Variants in DYSF observed in about 807,000 individuals in gnomAD.
DYSF encodes the protein dystrophy-associated fer-1-like 1.
Under a neutral mutation model 274.9 loss-of-function variants are expected in DYSF, and 212 were observed. That is an observed-to-expected ratio of 0.77 (90% CI 0.69 to 0.86). The LOEUF (loss-of-function observed/expected upper bound fraction) is 0.86. Ranked by LOEUF, DYSF falls within the 40% of genes least tolerant of loss-of-function variation. The probability of loss-of-function intolerance (pLI) is 0.00; values close to 1 mark genes in which losing one functional copy is unlikely to be tolerated. For missense variants in DYSF, 2,666 were observed against 2,783.2 expected (o/e 0.96, Z 0.95); for synonymous variants, 1,091 against 1,078.7 (o/e 1.01, Z -0.22).
chr2:71,589,526 G>C, intron 30 of DYSF, 67 bp from the exon 31 acceptor site: 1 of 1,274,364 alleles, frequency 7.8e-7, no homozygotes, highest in East Asian at 2.3e-5. Flanking sequence ...CTAACTCTCT[G>C]GGCTAGTCTC....
At chr2:71,648,561 A>G in intron 42 of DYSF, among the ~76,000 whole-genome samples, 1 of 152,236 alleles carries the variant, frequency 6.6e-6, no homozygotes, top group East Asian at 1.9e-4. Context: ...TACAGAAAAA[A>G]CCATAATGGT....
At chr2:71,457,871 G>A (rs1275524206) in intron 1 of DYSF, among the ~76,000 whole-genome samples, 1 of 152,202 alleles carries the variant, frequency 6.6e-6, no homozygotes, top group Admixed American at 6.5e-5. Flanking sequence ...TATGGCAGGT[G>A]CTCCGGGACT....
At chr2:71,563,541 A>G (rs996576177) in intron 23 of DYSF, among the ~76,000 whole-genome samples, 4 of 152,206 alleles carry the variant, frequency 2.6e-5, no homozygotes, top group Non-Finnish European at 5.9e-5. Context: ...TTCAGAGTCC[A>G]GTGTCTTCAG....
intron 42 of DYSF, among the ~76,000 whole-genome samples, chr2:71,648,109 C>T (rs1318646642): frequency 3.9e-5 from 6 of 151,956 alleles, no homozygotes; most frequent in Non-Finnish European, 7.4e-5. Flanking sequence ...TTCAAAAATC[C>T]TGCAAAAAAG....
At chr2:71,560,198 T>C (rs1439977808) in intron 22 of DYSF, among the ~76,000 whole-genome samples, 1 of 152,162 alleles carries the variant, frequency 6.6e-6, no homozygotes. Flanking sequence ...CGGAGACAGC[T>C]TGTTAGTGGC....
chr2:71,514,516 T>G (rs562682611), intron 7 of DYSF, among the ~76,000 whole-genome samples: 1 of 152,240 alleles, frequency 6.6e-6, no homozygotes, highest in African/African-American at 2.4e-5. Flanking sequence ...ATGAACACTT[T>G]GACACATTTT....
chr2:71,586,842 A>C (rs1044563875), intron 30 of DYSF, among the ~76,000 whole-genome samples: 16 of 152,020 alleles, frequency 1.1e-4, no homozygotes, highest in Non-Finnish European at 2.2e-4. Context: ...TGCTCACCCT[A>C]GCCCCCTACC....
chr2:71,653,875 TATAAAC>T (rs66908545), intron 42 of DYSF, among the ~76,000 whole-genome samples: 90,139 of 150,684 alleles, frequency 0.6, 28,200 homozygotes, highest in Middle Eastern at 0.71. Flanking sequence ...AAATTGTAAA[TATAAAC>T]ATAAGATAAT....
chr2:71,532,701 G>A (rs2088869980), intron 14 of DYSF, among the ~76,000 whole-genome samples: 1 of 152,140 alleles, frequency 6.6e-6, no homozygotes, highest in Admixed American at 6.5e-5. Context: ...GTGTGTGTTG[G>A]GGCAGCCTGT....
intron 3 of DYSF, 63 bp from the exon 4 acceptor site, chr2:71,503,151 T>C (rs946060745): frequency 6.9e-7 from 1 of 1,443,828 alleles, no homozygotes. Context: ...CAGTGAGGGG[T>C]CTGGCAGAAG....
At chr2:71,470,046 C>G (rs1358328549) in intron 1 of DYSF, among the ~76,000 whole-genome samples, 3 of 152,192 alleles carry the variant, frequency 2.0e-5, no homozygotes, top group Non-Finnish European at 4.4e-5. Flanking sequence ...GCTGAAACAT[C>G]TTATTTCCTT....
chr2:71,686,520 G>A lies in DYSF; in HGVS notation c.*28G>A, dbSNP rs750084649. ...ACTCTCCTGCCCTGTAGAAGGGGCC[G>A]TGGGGTCCCCTCCAGCATGGGACTG... is the stretch of plus-strand genomic sequence containing the variant. On this transcript the variant is annotated 3_prime_UTR_variant, in exon 56 of 56. Coordinates refer to ENST00000410020, the MANE Select transcript of DYSF (RefSeq NM_001130987.2). 99 of 1,613,378 alleles carry A rather than the reference G, an allele frequency of 6.1e-5. No individual in the cohort carries two copies. Among genetic ancestry groups the A allele is most frequent in the South Asian group, 7.7e-5 (7 of 91,080 alleles).
chr2:71,485,148 G>A (rs115648275), intron 3 of DYSF, among the ~76,000 whole-genome samples: 1 of 152,116 alleles, frequency 6.6e-6, no homozygotes, highest in Non-Finnish European at 1.5e-5. Flanking sequence ...CAGATTTCTA[G>A]CAATTAAAAC....
chr2:71,645,020 G>T (rs1201406470), intron 42 of DYSF, among the ~76,000 whole-genome samples: 1 of 152,278 alleles, frequency 6.6e-6, no homozygotes, highest in African/African-American at 2.4e-5. Flanking sequence ...AGATGGGCAG[G>T]TTGTGGGGCT....
chr2:71,665,811 C>A (rs1002570011), intron 47 of DYSF, among the ~76,000 whole-genome samples: 17 of 152,204 alleles, frequency 1.1e-4, no homozygotes, highest in African/African-American at 3.9e-4. Flanking sequence ...TGCCCCCAGT[C>A]CTGCCCAGGG....
intron 45 of DYSF, among the ~76,000 whole-genome samples, chr2:71,662,928 G>T (rs1443089913): frequency 3.0e-5 from 1 of 33,064 alleles, no homozygotes; most frequent in East Asian, 1.1e-3. Flanking sequence ...ATGTGTGCAC[G>T]TATGTGCATG....
upstream of DYSF, among the ~76,000 whole-genome samples, chr2:71,463,994 A>G (rs999600487): frequency 2.6e-5 from 4 of 152,264 alleles, no homozygotes; most frequent in Admixed American, 6.5e-5. Context: ...CAAGGGTCCA[A>G]GCAGCTAGAG....
At chr2:71,571,534 A>G (rs1201046302) in intron 29 of DYSF, among the ~76,000 whole-genome samples, 1 of 142,534 alleles carries the variant, frequency 7.0e-6, no homozygotes, top group Non-Finnish European at 1.5e-5. Context: ...CACCCAGCAC[A>G]CACACATCAC....
chr2:71,515,359 T>C (rs2086544826), intron 7 of DYSF, among the ~76,000 whole-genome samples: 1 of 152,204 alleles, frequency 6.6e-6, no homozygotes, highest in African/African-American at 2.4e-5. Context: ...GGGCTGTATC[T>C]GCCCACCCCT....
Sources: gnomAD v4.1 joint callset for allele counts (sites outside exome capture counted in the v4.1 genomes callset) on GRCh38, gnomAD v4.1.1 for gene constraint, MANE v1.5 for transcripts, NCBI Gene and HGNC (gene_info 2026-07-23, HGNC 2026-07-21) for gene names.